ENAH: variants seen among roughly 807,000 people sequenced by gnomAD.
ENAH encodes the protein protein enabled homolog.
Under a neutral mutation model 78.7 loss-of-function variants are expected in ENAH, and 23 were observed. That is an observed-to-expected ratio of 0.29 (90% CI 0.21 to 0.41). The LOEUF is 0.41. Among genes scored for constraint, ENAH ranks in the 10% least tolerant of loss-of-function variants. ENAH has a pLI of 1.00. For synonymous variants in ENAH, 226 were observed against 241.0 expected (o/e 0.94, Z 0.58); for missense variants, 544 against 691.0 (o/e 0.79, Z 2.39).
intron 3 of ENAH, among the ~76,000 whole-genome samples, chr1:225,537,350 T>C (rs2096566781): frequency 6.6e-6 from 1 of 152,202 alleles, no homozygotes; most frequent in African/African-American, 2.4e-5. Flanking sequence ...ACTATTAACA[T>C]TCTTCACTTG....
At chr1:225,538,681 A>G (rs970485228) in intron 3 of ENAH, among the ~76,000 whole-genome samples, 12 of 152,048 alleles carry the variant, frequency 7.9e-5, no homozygotes, top group African/African-American at 2.9e-4. Context: ...TTCCCTTCTA[A>G]GCCAATATGA....
intron 1 of ENAH, among the ~76,000 whole-genome samples, chr1:225,637,279 CTCACTGCAACCTCTGT>C (rs1660233573): frequency 6.6e-6 from 1 of 151,912 alleles, no homozygotes; most frequent in African/African-American, 2.4e-5. Flanking sequence ...GCAATCTCTG[CTCACTGCAACCTCTGT>C]CTCCCGGGTT....
intron 3 of ENAH, among the ~76,000 whole-genome samples, chr1:225,535,753 T>C (rs1022668528): frequency 6.6e-6 from 1 of 152,142 alleles, no homozygotes; most frequent in African/African-American, 2.4e-5. Context: ...TTAAAAAAAT[T>C]TATGCAATCG....
chr1:225,489,047 A>T lies in ENAH; in HGVS notation c.*8728T>A, dbSNP rs1002751938. The T allele has an allele frequency of 6.6e-6, 1 of 152,234 alleles. No individual in the cohort carries two copies. Among genetic ancestry groups the T allele is most frequent in the African/African-American group, 2.4e-5 (1 of 41,454 alleles). 9.4% of individuals were successfully genotyped at this position (152,234 alleles called of 1,614,324 possible). On this transcript the variant is annotated 3_prime_UTR_variant, in exon 14 of 14. Transcript: ENST00000366843. ...CTTTCAAGGCTGACAGTGATAGAAT[A>T]AACAGCAGCACAGCAGGTTCAGATG...
chr1:225,600,780 C>T (rs1312964739), intron 1 of ENAH, among the ~76,000 whole-genome samples: 1 of 151,946 alleles, frequency 6.6e-6, no homozygotes, highest in Non-Finnish European at 1.5e-5. Context: ...ATCATTTGGG[C>T]TCAAAACTGC....
chr1:225,529,640 T>A (rs1379761909), intron 4 of ENAH, among the ~76,000 whole-genome samples: 3 of 151,892 alleles, frequency 2.0e-5, no homozygotes, highest in African/African-American at 7.3e-5. Context: ...TATAAGTACT[T>A]AGAACAAAAA....
intron 3 of ENAH, among the ~76,000 whole-genome samples, chr1:225,552,748 G>C (rs2096647370): frequency 6.6e-6 from 1 of 152,120 alleles, no homozygotes; most frequent in Admixed American, 6.5e-5. Flanking sequence ...TGAGAATAAA[G>C]TATCAAAATC....
intron 1 of ENAH, among the ~76,000 whole-genome samples, chr1:225,590,158 A>T (rs531657827): frequency 1.3e-5 from 2 of 150,838 alleles, no homozygotes; most frequent in South Asian, 4.2e-4. Flanking sequence ...ACAGATTCCA[A>T]ATTCACCATT....
chr1:225,653,677 G>A (rs1318138036), upstream of ENAH, among the ~76,000 whole-genome samples: 1 of 152,110 alleles, frequency 6.6e-6, no homozygotes, highest in African/African-American at 2.4e-5. The surrounding 1 kb of genome is among the most constrained non-coding windows in gnomAD (Gnocchi z 4.3). Flanking sequence ...CTCGCGGCCG[G>A]GTGCCCTCGC....
At chr1:225,498,697 A>G (rs537644446) in intron 12 of ENAH, among the ~76,000 whole-genome samples, 5 of 152,246 alleles carry the variant, frequency 3.3e-5, no homozygotes, top group African/African-American at 7.2e-5. Flanking sequence ...TCTAGAAATG[A>G]TAACAGCTGT....
chr1:225,498,293 T>TG, intron 13 of ENAH, 54 bp downstream of exon 13: 1 of 1,400,030 alleles, frequency 7.1e-7, no homozygotes, highest in Non-Finnish European at 1.0e-6. Context: ...TTCTTAAAAA[T>TG]GGTCAATCTT....
intron 1 of ENAH, among the ~76,000 whole-genome samples, chr1:225,599,399 TATG>T (rs1253584320): frequency 6.6e-6 from 1 of 152,084 alleles, no homozygotes; most frequent in Non-Finnish European, 1.5e-5. Flanking sequence ...ATTTCCAGAG[TATG>T]ATAACTGTAC....
At chr1:225,622,535 C>T (rs1287132273) in intron 1 of ENAH, among the ~76,000 whole-genome samples, 2 of 152,168 alleles carry the variant, frequency 1.3e-5, no homozygotes, top group African/African-American at 4.8e-5. Context: ...AATTTATAAA[C>T]ATGAGTGTAC....
In ENAH at chr1:225,585,215, C is replaced by CAAAAAAAAAAAAA. The variant is rs58586397; in HGVS notation, c.6-17814_6-17802dup. ...TGGGCGACGGAGTGATACCCTGTCTCAAAAAAAAAAAAAAAAAAAAAAAAA... is the reference window on the plus strand; with the variant it reads ...TGGGCGACGGAGTGATACCCTGTCTCAAAAAAAAAAAAAAAAAAAAAAAAAAAAAAAAAAAAAA... On this transcript the variant is annotated intron_variant, in intron 1 of 13. Transcript: ENST00000366843. 8.0e-5 allele frequency among the ~76,000 whole-genome samples: 4 copies of CAAAAAAAAAAAAA among 49,932 alleles called. 1 individual carries two copies. Among genetic ancestry groups the CAAAAAAAAAAAAA allele is most frequent in the African/African-American group, 1.6e-4 (2 of 12,200 alleles). The allele number at this position is 49,932 out of a possible 152,430, so 32.8% of individuals were successfully genotyped here.
chr1:225,574,357 T>C (rs540348073), intron 1 of ENAH, among the ~76,000 whole-genome samples: 5 of 152,180 alleles, frequency 3.3e-5, no homozygotes, highest in South Asian at 4.1e-4. Flanking sequence ...TCCCAGCACA[T>C]TGAGAGGCTG....
rs967992756 is a variant in ENAH at position 225,491,343 on chromosome 1, A to G, written c.*6432T>C. ...TTTTTAGTAGAGATGGGGTTTCATCATGTTGGCCAGGCTGGTCTCAAACTC... is the reference window on the plus strand; with the variant it reads ...TTTTTAGTAGAGATGGGGTTTCATCGTGTTGGCCAGGCTGGTCTCAAACTC... On this transcript the variant is annotated 3_prime_UTR_variant, in exon 14 of 14. Transcript: ENST00000366843. 1 of 152,008 alleles carries G rather than the reference A, an allele frequency of 6.6e-6. No individual in the cohort carries two copies. Among genetic ancestry groups the G allele is most frequent in the Non-Finnish European group, 1.5e-5 (1 of 68,028 alleles). The allele number at this position is 152,008 out of a possible 1,614,324, so 9.4% of individuals were successfully genotyped here. A position where few individuals can be genotyped will look rare whatever the true frequency, so the allele number is the denominator to read the frequency against.
intron 1 of ENAH, among the ~76,000 whole-genome samples, chr1:225,591,284 C>T (rs1321131981): frequency 6.6e-6 from 1 of 152,034 alleles, no homozygotes. Context: ...GTCTGGCTAA[C>T]ATGGTGAAAC....
chr1:225,652,586 G>T, intron 1 of ENAH, 100 bp downstream of exon 1: 1 of 1,166,280 alleles, frequency 8.6e-7, no homozygotes, highest in Non-Finnish European at 1.1e-6. Context: ...CAGGGGAGAC[G>T]CGCCGGGCCG....
chr1:225,615,036 C>T (rs2097017312), intron 1 of ENAH, among the ~76,000 whole-genome samples: 1 of 129,244 alleles, frequency 7.7e-6, no homozygotes, highest in African/African-American at 3.4e-5. Context: ...GCCCTCTCCC[C>T]GGTCTCCCTC....
Sources: gnomAD v4.1 joint callset for allele counts (sites outside exome capture counted in the v4.1 genomes callset) on GRCh38, gnomAD v4.1.1 for gene constraint, Gnocchi (gnomAD v3.1) non-coding constraint, MANE v1.5 for transcripts, NCBI Gene and HGNC (gene_info 2026-07-23, HGNC 2026-07-21) for gene names.